The following FOCAD variants were observed in gnomAD, a reference collection of about 807,000 sequenced individuals.
FOCAD encodes the protein focadhesin, also known as KIAA1797.
Under a neutral mutation model 225.6 loss-of-function variants are expected in FOCAD, and 198 were observed. That is an observed-to-expected ratio of 0.88 (90% CI 0.78 to 0.99). The LOEUF (loss-of-function observed/expected upper bound fraction) is 0.99, where lower values mean the gene tolerates loss of function less well. Ranked by LOEUF, FOCAD falls within the 50% of genes least tolerant of loss-of-function variation. The probability of loss-of-function intolerance (pLI) is 0.00; values close to 1 mark genes in which losing one functional copy is unlikely to be tolerated. For missense variants in FOCAD, 2,713 were observed against 2,123.6 expected, an observed-to-expected ratio of 1.28 and a Z score of -5.46; for synonymous variants, 897 against 755.0, an observed-to-expected ratio of 1.19 and a Z score of -3.08.
chr9:20,792,385 A>C (rs1331029618), intron 11 of FOCAD, among the ~76,000 whole-genome samples: 2 of 152,198 alleles, frequency 1.3e-5, no homozygotes, highest in Non-Finnish European at 2.9e-5. Flanking sequence ...TTTCTTTTTG[A>C]CTGATTTATA....
In FOCAD at chr9:20,854,145, C is replaced by G. The variant is rs138093833; in HGVS notation, c.1921-8433C>G. Among the ~76,000 whole-genome samples the G allele has an allele frequency of 2.6e-3, 392 of 151,790 alleles. 11 individuals carry two copies. In the South Asian group the frequency reaches 0.046, roughly 18 times the overall value. On this transcript the variant is annotated intron_variant, in intron 15 of 43. Transcript: ENST00000338382. ...GCTTTCCTCTGTTGGAGTAAAGAATCAGGACAAAAGGAGTAGGCTGTTCTC... is the reference window on the plus strand; with the variant it reads ...GCTTTCCTCTGTTGGAGTAAAGAATGAGGACAAAAGGAGTAGGCTGTTCTC...
chr9:20,672,568 A>C (rs1233278528), intron 2 of FOCAD, among the ~76,000 whole-genome samples: 1 of 152,218 alleles, frequency 6.6e-6, no homozygotes. Context: ...CTCCTGCCTC[A>C]GACTCCAGAG....
chr9:20,771,749 T>C (rs994694604), intron 8 of FOCAD, among the ~76,000 whole-genome samples: 6 of 152,202 alleles, frequency 3.9e-5, no homozygotes, highest in African/African-American at 9.6e-5. Flanking sequence ...AGCAGGACTT[T>C]GTCTCAAAAT....
chr9:20,901,192 A>AGTGTGTGTGTGTGTG (rs1832528693), intron 21 of FOCAD, among the ~76,000 whole-genome samples: 3 of 105,678 alleles, frequency 2.8e-5, no homozygotes, highest in African/African-American at 9.5e-5. Context: ...TGTGGAAACA[A>AGTGTGTGTGTGTGTG]TGTGTGTGTG....
chr9:20,667,946 T>G (rs879787874), intron 2 of FOCAD, among the ~76,000 whole-genome samples: 2 of 152,208 alleles, frequency 1.3e-5, no homozygotes, highest in Admixed American at 1.3e-4. Context: ...TAGTTGATTA[T>G]AGATGCCACT....
chr9:20,939,148 C>A (rs1836356828), intron 28 of FOCAD, among the ~76,000 whole-genome samples: 1 of 14,692 alleles, frequency 6.8e-5, no homozygotes. Context: ...AGACTCTCTT[C>A]TCAAAAAAAA....
Position 20,866,917 on chromosome 9 carries a change from T to TTTTTTTTTTTTTTAAAAAATAAA in FOCAD, c.2107-12_2107-11insTTTTTTTTTTTTTAAAAAATAAA. The TTTTTTTTTTTTTTAAAAAATAAA allele has an allele frequency of 1.3e-6, 1 of 764,972 alleles. No individual in the cohort carries two copies. Among genetic ancestry groups the TTTTTTTTTTTTTTAAAAAATAAA allele is most frequent in the Non-Finnish European group, 2.0e-6 (1 of 498,468 alleles). 47.4% of individuals were successfully genotyped at this position (764,972 alleles called of 1,614,324 possible). A position where few individuals can be genotyped will look rare whatever the true frequency, so the allele number is the denominator to read the frequency against. Reference sequence around the variant, plus strand: ...TTTTTTTTTTTTTTTTTTTTTTTTTTACCCTATCTAGGACCCAATTGTAGC... The same window carrying TTTTTTTTTTTTTTAAAAAATAAA: ...TTTTTTTTTTTTTTTTTTTTTTTTTTTTTTTTTTTTTTTAAAAAATAAAACCCTATCTAGGACCCAATTGTAGC... On this transcript the variant is annotated splice_polypyrimidine_tract_variant and intron_variant, in intron 17 of 43. Transcript: ENST00000338382.
At chr9:20,895,046 A>C (rs1441723245) in intron 21 of FOCAD, among the ~76,000 whole-genome samples, 3 of 151,960 alleles carry the variant, frequency 2.0e-5, no homozygotes, top group South Asian at 2.1e-4. Context: ...TTGCATCAAG[A>C]TATCTGGTTG....
At chr9:20,823,175 G>C (rs1338567751) in intron 15 of FOCAD, 60 bp downstream of exon 15, 9 of 1,513,852 alleles carry the variant, frequency 5.9e-6, no homozygotes, top group Non-Finnish European at 8.0e-6. Flanking sequence ...AGGCAGAGTG[G>C]GTACAAGAAT....
At chr9:20,846,978 G>T (rs1297207408) in intron 15 of FOCAD, among the ~76,000 whole-genome samples, 3 of 152,218 alleles carry the variant, frequency 2.0e-5, no homozygotes, top group African/African-American at 7.2e-5. Context: ...TTAGTGGCAT[G>T]GGCAAAGTTT....
intron 21 of FOCAD, among the ~76,000 whole-genome samples, chr9:20,892,012 C>A (rs1469439105): frequency 6.6e-6 from 1 of 152,156 alleles, no homozygotes; most frequent in East Asian, 1.9e-4. Flanking sequence ...TAAAGAATTA[C>A]GCTGAATCTC....
chr9:20,867,306 C>T (rs1390662817), intron 18 of FOCAD, among the ~76,000 whole-genome samples: 3 of 151,886 alleles, frequency 2.0e-5, no homozygotes, highest in Non-Finnish European at 2.9e-5. Context: ...AGTATGCCAT[C>T]CTGGACTTTA....
intron 2 of FOCAD, among the ~76,000 whole-genome samples, chr9:20,662,987 C>T (rs1329759273): frequency 6.6e-6 from 1 of 152,138 alleles, no homozygotes; most frequent in East Asian, 1.9e-4. Context: ...TTTAAAGTTA[C>T]AGTTTTAACA....
chr9:20,707,824 G>A (rs903271039), intron 1 of FOCAD, among the ~76,000 whole-genome samples: 3 of 152,192 alleles, frequency 2.0e-5, no homozygotes, highest in African/African-American at 7.2e-5. Context: ...TATTTTGGGA[G>A]TGTTGGTGGC....
intron 1 of FOCAD, among the ~76,000 whole-genome samples, chr9:20,691,757 G>C (rs796329916): frequency 1.0e-4 from 15 of 146,548 alleles, no homozygotes; most frequent in African/African-American, 3.8e-4. Flanking sequence ...TGGGATTATA[G>C]GCATGAGCCA....
At chr9:20,851,258 T>C (rs1349332840) in intron 15 of FOCAD, among the ~76,000 whole-genome samples, 1 of 151,376 alleles carries the variant, frequency 6.6e-6, no homozygotes, top group Non-Finnish European at 1.5e-5. Context: ...TTAGATCCAT[T>C]GGTATATTAA....
intron 6 of FOCAD, 116 bp from the exon 7 acceptor site, chr9:20,764,753 C>A: frequency 2.5e-6 from 2 of 795,062 alleles, no homozygotes; most frequent in Non-Finnish European, 4.1e-6. Flanking sequence ...AAAGAAGTTA[C>A]ACTTGATGAT....
At position 20,789,581 on chromosome 9, in the gene FOCAD, A is replaced by G; in HGVS notation, c.1428A>G (p.Thr476=). ...QNLHQILKVT[T]ELAQADSSQV... is the part of the protein sequence containing the mutation. ...TTCACCAAATACTCAAGGTCACTACAGAATTAGCCCAAGCAGATTCCTCCC... is the reference window on the plus strand; with the variant it reads ...TTCACCAAATACTCAAGGTCACTACGGAATTAGCCCAAGCAGATTCCTCCC... Residue 476 remains threonine, a synonymous_variant, in exon 11 of 44, where the codon ACA becomes ACG. Coordinates refer to ENST00000338382, the MANE Select transcript of FOCAD (RefSeq NM_001375567.1). 6.2e-7 allele frequency: 1 copy of G among 1,614,048 alleles called. No homozygotes were observed. Among genetic ancestry groups the G allele is most frequent in the Non-Finnish European group, 8.5e-7 (1 of 1,179,962 alleles).
intron 5 of FOCAD, among the ~76,000 whole-genome samples, chr9:20,755,671 C>T (rs1249456483): frequency 6.6e-6 from 1 of 152,078 alleles, no homozygotes. Flanking sequence ...ATAAGTGCCA[C>T]CATTATCTGG....
Sources: allele counts gnomAD v4.1 joint callset (sites outside exome capture counted in the v4.1 genomes callset), GRCh38; gene constraint gnomAD v4.1.1; transcripts MANE v1.5; gene names NCBI Gene and HGNC (gene_info 2026-07-23, HGNC 2026-07-21).